The following SLC44A5 variants were observed in gnomAD, a reference collection of about 807,000 sequenced individuals.
SLC44A5 encodes the protein choline transporter-like protein 5.
In SLC44A5, 57 loss-of-function variants were observed where a neutral mutation model predicts 101.8. That is an observed-to-expected ratio of 0.56 (90% CI 0.45 to 0.70). The LOEUF (loss-of-function observed/expected upper bound fraction) is 0.70. Ranked by LOEUF, SLC44A5 falls within the 30% of genes least tolerant of loss-of-function variation. The probability of loss-of-function intolerance (pLI) is 0.00; values close to 1 mark genes in which losing one functional copy is unlikely to be tolerated. For missense variants in SLC44A5, 737 were observed against 853.1 expected, an observed-to-expected ratio of 0.86 and a Z score of 1.70; for synonymous variants, 281 against 290.9, an observed-to-expected ratio of 0.97 and a Z score of 0.35.
intron 5 of SLC44A5, among the ~76,000 whole-genome samples, chr1:75,280,801 G>A (rs1365691952): frequency 6.6e-6 from 1 of 151,918 alleles, no homozygotes; most frequent in Non-Finnish European, 1.5e-5. Context: ...GAAGAAAGAT[G>A]TGTTTGCTTC....
chr1:75,722,652 G>A, the SLC44A5 span, among the ~76,000 whole-genome samples: 1 of 152,176 alleles, frequency 6.6e-6, no homozygotes, highest in South Asian at 2.1e-4. Flanking sequence ...GAAGGGCTGT[G>A]GAAGCTCTGT....
At chr1:75,331,838 G>A (rs991376420) in intron 4 of SLC44A5, among the ~76,000 whole-genome samples, 3 of 152,144 alleles carry the variant, frequency 2.0e-5, no homozygotes, top group Admixed American at 2.0e-4. Context: ...TATATCCTCA[G>A]ACTCTGCCTG....
intron 2 of SLC44A5, among the ~76,000 whole-genome samples, chr1:75,509,493 A>T (rs1263349564): frequency 6.6e-6 from 1 of 152,232 alleles, no homozygotes; most frequent in Non-Finnish European, 1.5e-5. Flanking sequence ...AACAATGAAA[A>T]TAGAATGGTT....
chr1:75,481,233 T>C (rs906701202), intron 2 of SLC44A5, among the ~76,000 whole-genome samples: 5 of 152,136 alleles, frequency 3.3e-5, no homozygotes, highest in South Asian at 2.1e-4. Flanking sequence ...CCCTTCCTTA[T>C]GCCTTATACA....
rs34156310 is a variant in SLC44A5, at chr1:75,595,452, T to TAA, written c.-70+15586_-70+15587dup. Among the ~76,000 whole-genome samples the TAA allele has an allele frequency of 3.0e-4, 46 of 151,292 alleles. No homozygotes were observed. In the South Asian group the frequency reaches 7.3e-3, roughly 24 times the overall value. On this transcript the variant is annotated intron_variant, in intron 1 of 23. Coordinates refer to ENST00000370859, the MANE Select transcript of SLC44A5 (RefSeq NM_001130058.2). ...ATGGAACCAACTTTTTCACTACAAT[T>TAA]AAAAAAAAACTTTTGATGAGTTAGA...
intron 1 of SLC44A5, among the ~76,000 whole-genome samples, chr1:75,569,871 G>A (rs1672982634): frequency 6.6e-6 from 1 of 152,168 alleles, no homozygotes; most frequent in Non-Finnish European, 1.5e-5. Flanking sequence ...TATATGAGAG[G>A]TAATGCCAGG....
At chr1:75,682,867 G>A in the SLC44A5 span, among the ~76,000 whole-genome samples, 6 of 152,060 alleles carry the variant, frequency 3.9e-5, no homozygotes, top group African/African-American at 1.4e-4. Flanking sequence ...CTGTCAAAGG[G>A]CTAATATCCA....
chr1:75,279,997 C>T (rs1570554941), intron 5 of SLC44A5, among the ~76,000 whole-genome samples: 1 of 149,354 alleles, frequency 6.7e-6, no homozygotes, highest in Middle Eastern at 3.5e-3. Flanking sequence ...CGAGAATATA[C>T]GATGTTTGGT....
chr1:75,516,411 G>C (rs999938239), intron 2 of SLC44A5, among the ~76,000 whole-genome samples: 2 of 152,154 alleles, frequency 1.3e-5, no homozygotes, highest in Non-Finnish European at 2.9e-5. Context: ...CAGCTACTCA[G>C]GAGGCTGAGG....
At chr1:75,611,551 T>A (rs1675658884), upstream of SLC44A5, among the ~76,000 whole-genome samples, 1 of 152,204 alleles carries the variant, frequency 6.6e-6, no homozygotes, top group Non-Finnish European at 1.5e-5. Context: ...ATCATTAATA[T>A]GTTCATGCTA....
intron 2 of SLC44A5, among the ~76,000 whole-genome samples, chr1:75,396,928 G>C (rs1398043871): frequency 1.3e-5 from 2 of 152,152 alleles, no homozygotes; most frequent in East Asian, 3.8e-4. Context: ...GTGATATGTA[G>C]AGACTTGAAA....
intron 1 of SLC44A5, among the ~76,000 whole-genome samples, chr1:75,573,126 T>C (rs1212826282): frequency 5.8e-5 from 1 of 17,156 alleles, no homozygotes; most frequent in East Asian, 1.4e-3. Flanking sequence ...AGGCTCCATC[T>C]CAAAAAAAAA....
At chr1:75,536,365 C>T (rs933589065) in intron 2 of SLC44A5, among the ~76,000 whole-genome samples, 2 of 151,554 alleles carry the variant, frequency 1.3e-5, no homozygotes, top group East Asian at 3.9e-4. Flanking sequence ...TTTGGGAGGC[C>T]GAGGCGGGTG....
chr1:75,289,519 A>G (rs1321534399), intron 5 of SLC44A5, among the ~76,000 whole-genome samples: 1 of 152,220 alleles, frequency 6.6e-6, no homozygotes, highest in East Asian at 1.9e-4. Flanking sequence ...AATGGATATG[A>G]CATTCCTACA....
intron 1 of SLC44A5, among the ~76,000 whole-genome samples, chr1:75,552,069 A>C (rs909150318): frequency 6.6e-6 from 1 of 152,134 alleles, no homozygotes; most frequent in Non-Finnish European, 1.5e-5. Flanking sequence ...GCTTAAAGAA[A>C]GTATTAGTGC....
Position 75,543,608 on chromosome 1 carries a change from T to C in SLC44A5, c.-69-2092A>G, listed in dbSNP as rs948638494. Reference sequence around the variant, plus strand: ...ATATATAAATAAATATATATATATATACACACACACATATATATACGTATA... The same window carrying C: ...ATATATAAATAAATATATATATATACACACACACACATATATATACGTATA... On this transcript the variant is annotated intron_variant, in intron 1 of 23. Coordinates refer to ENST00000370859, the MANE Select transcript of SLC44A5 (RefSeq NM_001130058.2). Among the ~76,000 whole-genome samples, 509 of 119,246 alleles carry C rather than the reference T, an allele frequency of 4.3e-3. 3 individuals are homozygous for C. The highest frequency in any genetic ancestry group is 5.7e-3 in the Non-Finnish European group (309 of 54,474). 78.2% of individuals were successfully genotyped at this position (119,246 alleles called of 152,430 possible). A position where few individuals can be genotyped will look rare whatever the true frequency, so the allele number is the denominator to read the frequency against.
the SLC44A5 span, among the ~76,000 whole-genome samples, chr1:75,692,741 G>A: frequency 1.3e-5 from 2 of 152,088 alleles, no homozygotes; most frequent in Admixed American, 6.6e-5. Context: ...AAATATGTAG[G>A]TAGGTTTGAA....
chr1:75,477,944 T>TAATTGTCAGATTCAC (rs1553187861), intron 2 of SLC44A5, among the ~76,000 whole-genome samples: 2 of 151,900 alleles, frequency 1.3e-5, no homozygotes, highest in East Asian at 3.9e-4. Flanking sequence ...CCAAGACACA[T>TAATTGTCAGATTCAC]AATTGTCAGA....
chr1:75,663,995 G>A, the SLC44A5 span, among the ~76,000 whole-genome samples: 3 of 152,042 alleles, frequency 2.0e-5, no homozygotes, highest in East Asian at 3.9e-4. Context: ...GATGCAAGTC[G>A]GTTCAACATA....
Sources: allele counts gnomAD v4.1 joint callset (sites outside exome capture counted in the v4.1 genomes callset), GRCh38; gene constraint gnomAD v4.1.1; transcripts MANE v1.5; gene names NCBI Gene and HGNC (gene_info 2026-07-23, HGNC 2026-07-21).